Variants in HMX1 observed in about 807,000 individuals in gnomAD.
HMX1 encodes the protein H6 family homeobox 1.
A neutral mutation model predicts 8.9 loss-of-function variants in HMX1; 8 were observed. That is an observed-to-expected ratio of 0.90 (90% CI 0.53 to 1.63). The LOEUF is 1.63. Among genes scored for constraint, HMX1 ranks in the 40% most tolerant of loss-of-function variants. HMX1 has a pLI of 0.00. For synonymous variants in HMX1, 311 were observed against 283.4 expected (o/e 1.10, Z -0.98); for missense variants, 621 against 558.5 (o/e 1.11, Z -1.13).
At chr4:8,860,623 C>T (rs1022423785) in intron 1 of HMX1, 8 of 152,358 alleles carry the variant, frequency 5.3e-5, no homozygotes, top group African/African-American at 1.7e-4. Context: ...CGGGCTAAGA[C>T]GCAAGGCGGC....
chr4:8,866,749 TG>T (rs1722011277), downstream of HMX1, among the ~76,000 whole-genome samples: 2 of 152,208 alleles, frequency 1.3e-5, no homozygotes, highest in Non-Finnish European at 2.9e-5. Flanking sequence ...CGGCCATCAG[TG>T]GGCCTCTGCC....
chr4:8,860,960 CG>C (rs1341516724), intron 1 of HMX1: 1 of 32,896 alleles, frequency 3.0e-5, no homozygotes, highest in Non-Finnish European at 6.2e-5. Flanking sequence ...CGGGCGGGGG[CG>C]GGGGCGAGGG....
chr4:8,846,397 T>G, intron 1 of HMX1: 1 of 1,212,148 alleles, frequency 8.2e-7, no homozygotes, highest in Non-Finnish European at 1.1e-6. Flanking sequence ...TCCTGGATGC[T>G]CCACTGCCAG....
chr4:8,864,827 G>A (rs986985626), downstream of HMX1, among the ~76,000 whole-genome samples: 4 of 152,190 alleles, frequency 2.6e-5, no homozygotes, highest in Admixed American at 6.5e-5. Flanking sequence ...CTCCCACGCC[G>A]GCTCCCTCCT....
At chr4:8,862,901 C>G (rs1721875057), downstream of HMX1, among the ~76,000 whole-genome samples, 1 of 152,182 alleles carries the variant, frequency 6.6e-6, no homozygotes, top group Non-Finnish European at 1.5e-5. Context: ...GAGCTTAGCT[C>G]TGTGAGGACA....
chr4:8,847,785 G>A lies in HMX1; in HGVS notation c.395-1461C>T, dbSNP rs1721321751. 6.6e-6 allele frequency among the ~76,000 whole-genome samples: 1 copy of A among 152,134 alleles called. No individual in the cohort carries two copies. The highest frequency in any genetic ancestry group is 2.4e-5 in the African/African-American group (1 of 41,406). ...AGTTGGTACTCTGTAATTGCTTTCTGGACACAAGAATAAAGAAACAGGATT... is the reference window on the plus strand; with the variant it reads ...AGTTGGTACTCTGTAATTGCTTTCTAGACACAAGAATAAAGAAACAGGATT... On this transcript the variant is annotated intron_variant, in intron 1 of 1. Transcript: ENST00000506970. This position sits in a 1 kb window ranked among gnomAD's most constrained non-coding sequence, Gnocchi z 6.0.
Position 8,867,174 on chromosome 4 carries a change from C to T in HMX1, c.*519G>A, listed in dbSNP as rs928418021. On this transcript the variant is annotated 3_prime_UTR_variant, in exon 2 of 2. Coordinates refer to ENST00000400677, the MANE Select transcript of HMX1 (RefSeq NM_018942.3). ...TGCTCCTGGAACGGACGATGGGACCCACAGGTCCAGGGTCCTTTCTCCACC... is the reference window on the plus strand; with the variant it reads ...TGCTCCTGGAACGGACGATGGGACCTACAGGTCCAGGGTCCTTTCTCCACC... 1.0e-6 allele frequency: 1 copy of T among 985,438 alleles called. No homozygotes were observed. Among genetic ancestry groups the T allele is most frequent in the Middle Eastern group, 5.2e-4 (1 of 1,914 alleles). 61.0% of individuals were successfully genotyped at this position (985,438 alleles called of 1,614,324 possible).
intron 1 of HMX1, among the ~76,000 whole-genome samples, chr4:8,854,836 C>A (rs1450739942): frequency 6.6e-6 from 1 of 152,210 alleles, no homozygotes; most frequent in Non-Finnish European, 1.5e-5. Flanking sequence ...CACTTCAAAC[C>A]ATTTTGTAGC....
At chr4:8,857,191 C>T (rs142582176) in intron 1 of HMX1, among the ~76,000 whole-genome samples, 30,018 of 152,156 alleles carry the variant, frequency 0.2, 3,780 homozygotes, top group East Asian at 0.6. Flanking sequence ...AGTCTCCTTG[C>T]GACATTAAAT....
chr4:8,855,981 G>A (rs1038727689), intron 1 of HMX1, among the ~76,000 whole-genome samples: 1 of 152,224 alleles, frequency 6.6e-6, no homozygotes, highest in Admixed American at 6.5e-5. Flanking sequence ...TAGCATGCTG[G>A]AAGGGAGCTT....
In HMX1 at chr4:8,868,165, G is replaced by T; in HGVS notation, c.575C>A (p.Thr192Lys). ...GCCGCCCACGCCAACGCCGCCGCGT[G>T]TCTCCCCAGCCGCCGCAGGGACCTC... ...LAEVPAAAGE[T>K]RGGVGVGGGR... The change falls in exon 2 of 2, where the codon ACA becomes AAA. Residue 192 changes from threonine to lysine, a missense_variant. Thr to Lys is a moderately conservative substitution (Grantham distance 78, BLOSUM62 -1). Coordinates refer to ENST00000400677, the MANE Select transcript of HMX1 (RefSeq NM_018942.3). The surrounding 1 kb of genome is among the most constrained non-coding windows in gnomAD (Gnocchi z 4.6). The T allele has an allele frequency of 1.3e-6, 2 of 1,501,206 alleles. No homozygotes were observed. The highest frequency in any genetic ancestry group is 1.8e-6 in the Non-Finnish European group (2 of 1,130,978). 93.0% of individuals were successfully genotyped at this position (1,501,206 alleles called of 1,614,324 possible). A position where few individuals can be genotyped will look rare whatever the true frequency, so the allele number is the denominator to read the frequency against.
chr4:8,863,242 C>G (rs932649230), downstream of HMX1, among the ~76,000 whole-genome samples: 5 of 152,210 alleles, frequency 3.3e-5, no homozygotes, highest in South Asian at 1.0e-3. Flanking sequence ...TCAGTGCCAC[C>G]GTGCTCCAGA....
chr4:8,863,788 G>A (rs1163494762), downstream of HMX1, among the ~76,000 whole-genome samples: 9 of 152,268 alleles, frequency 5.9e-5, no homozygotes, highest in Admixed American at 5.9e-4. Context: ...TAGGGGAAAT[G>A]GGGCAGGCCC....
intron 1 of HMX1, among the ~76,000 whole-genome samples, chr4:8,869,767 C>T (rs751406501): frequency 1.6e-4 from 25 of 152,188 alleles, no homozygotes; most frequent in Non-Finnish European, 2.6e-4. Context: ...ACTAGGCTGA[C>T]TTGCCAGCTC....
rs753025698 is a variant in HMX1 at position 8,849,288 on chromosome 4, C to A, written c.395-2964G>T. On this transcript the variant is annotated intron_variant, in intron 1 of 1. Coordinates refer to the HMX1 transcript ENST00000506970. This position sits in a 1 kb window ranked among gnomAD's most constrained non-coding sequence, Gnocchi z 6.6. ...GGAAATAGGGTCTTCCTGAGGTAAG[C>A]AAGCTGAAATGCAGGCAGGGCCCTA... Among the ~76,000 whole-genome samples the A allele has an allele frequency of 6.6e-6, 1 of 152,010 alleles. No homozygotes were observed. Among genetic ancestry groups the A allele is most frequent in the Non-Finnish European group, 1.5e-5 (1 of 68,008 alleles).
intron 1 of HMX1, among the ~76,000 whole-genome samples, chr4:8,861,404 C>T (rs1721813048): frequency 1.3e-5 from 2 of 152,190 alleles, no homozygotes; most frequent in African/African-American, 2.4e-5. Context: ...GAAATAAACA[C>T]GCCCTGTCTC....
At chr4:8,862,899 C>G (rs376743726), downstream of HMX1, among the ~76,000 whole-genome samples, 17 of 152,214 alleles carry the variant, frequency 1.1e-4, no homozygotes, top group African/African-American at 3.9e-4. Flanking sequence ...CAGAGCTTAG[C>G]TCTGTGAGGA....
At chr4:8,864,907 C>T (rs567620883), downstream of HMX1, among the ~76,000 whole-genome samples, 1 of 152,328 alleles carries the variant, frequency 6.6e-6, no homozygotes, top group Non-Finnish European at 1.5e-5. Context: ...TTAATTCTAT[C>T]GAAAGACACA....
rs1722238856 is a variant in HMX1 at position 8,871,830 on chromosome 4, CTCG to C, written c.-219_-217del. 2 of 499,246 alleles carry C rather than the reference CTCG, an allele frequency of 4.0e-6. No homozygotes were observed. Among genetic ancestry groups the C allele is most frequent in the Non-Finnish European group, 5.2e-6 (2 of 385,956 alleles). 30.9% of individuals were successfully genotyped at this position (499,246 alleles called of 1,614,324 possible). A position where few individuals can be genotyped will look rare whatever the true frequency, so the allele number is the denominator to read the frequency against. On this transcript the variant is annotated 5_prime_UTR_variant, in exon 1 of 2. Transcript: ENST00000400677. This position sits in a 1 kb window ranked among gnomAD's most constrained non-coding sequence, Gnocchi z 4.8. ...GACAGCTGATCGGGCAGCCGCCTGG[CTCG>C]CCTTTCAGGTCGCCGTTCTGGTCGC...
Sources: gnomAD v4.1 joint callset for allele counts (sites outside exome capture counted in the v4.1 genomes callset) on GRCh38, gnomAD v4.1.1 for gene constraint, Gnocchi (gnomAD v3.1) non-coding constraint, MANE v1.5 for transcripts, NCBI Gene and HGNC (gene_info 2026-07-23, HGNC 2026-07-21) for gene names.